ROBO2: variants seen among roughly 807,000 people sequenced by gnomAD.
The protein encoded by ROBO2 is roundabout guidance receptor 2, also known as roundabout homolog 2.
In ROBO2, 53 loss-of-function variants were observed where a neutral mutation model predicts 160.8. The observed-to-expected ratio is 0.33, with a 90% CI of 0.26 to 0.41. The LOEUF is 0.41. Among genes scored for constraint, ROBO2 ranks in the 10% least tolerant of loss-of-function variants. The pLI is 1.00. For missense variants in ROBO2, 1,577 were observed against 1,722.4 expected (o/e 0.92, Z 1.49); for synonymous variants, 664 against 611.7 (o/e 1.09, Z -1.26).
chr3:77,041,797 T>C (rs1450346705), intron 1 of ROBO2, among the ~76,000 whole-genome samples: 10 of 152,226 alleles, frequency 6.6e-5, no homozygotes, highest in Admixed American at 5.2e-4. Flanking sequence ...AAGGGAGTAC[T>C]AGATATTTTT....
At chr3:76,728,703 C>G (rs1333343336) in intron 2 of ROBO2, among the ~76,000 whole-genome samples, 4 of 152,174 alleles carry the variant, frequency 2.6e-5, no homozygotes, top group African/African-American at 9.6e-5. Context: ...TCCCTGCAAC[C>G]TACAGTCCAG....
At chr3:76,679,538 G>A (rs1333121648) in intron 2 of ROBO2, among the ~76,000 whole-genome samples, 2 of 152,044 alleles carry the variant, frequency 1.3e-5, no homozygotes, top group African/African-American at 4.8e-5. Context: ...ACAATTCAGC[G>A]CTAAAATCTG....
At chr3:75,952,320 C>A (rs2107196617) in intron 2 of ROBO2, among the ~76,000 whole-genome samples, 1 of 151,942 alleles carries the variant, frequency 6.6e-6, no homozygotes. Context: ...ATCAATTTCT[C>A]TAGATTTCTG....
chr3:76,113,908 G>C (rs143961154), intron 2 of ROBO2, among the ~76,000 whole-genome samples: 53 of 152,150 alleles, frequency 3.5e-4, no homozygotes, highest in Middle Eastern at 3.4e-3. Flanking sequence ...TTAGAAAAAG[G>C]CTGGCCCCTC....
intron 5 of ROBO2, 85 bp from the exon 6 acceptor site, chr3:77,522,689 AT>A: frequency 7.1e-7 from 1 of 1,417,032 alleles, no homozygotes; most frequent in Non-Finnish European, 9.8e-7. Context: ...AAAATACAGT[AT>A]AAAAAGAAAA....
intron 2 of ROBO2, among the ~76,000 whole-genome samples, chr3:76,966,167 C>G (rs2059283887): frequency 6.6e-6 from 1 of 151,950 alleles, no homozygotes; most frequent in African/African-American, 2.4e-5. Context: ...GGTGATACAC[C>G]CACCTCGGCC....
chr3:76,699,016 C>T (rs1482867596), intron 2 of ROBO2, among the ~76,000 whole-genome samples: 2 of 152,098 alleles, frequency 1.3e-5, no homozygotes, highest in Non-Finnish European at 2.9e-5. Flanking sequence ...TCCTTATGGA[C>T]ATCTTTCTGA....
intron 2 of ROBO2, among the ~76,000 whole-genome samples, chr3:76,417,028 T>G (rs564901556): frequency 1.3e-5 from 2 of 152,364 alleles, no homozygotes; most frequent in East Asian, 3.9e-4. Flanking sequence ...TATCCTGCTG[T>G]GCTGGCTATT....
chr3:76,290,623 G>A (rs564501215), intron 2 of ROBO2, among the ~76,000 whole-genome samples: 37 of 152,136 alleles, frequency 2.4e-4, no homozygotes, highest in African/African-American at 8.9e-4. Context: ...ATGCTTCCAG[G>A]TGTCATCTGT....
chr3:76,219,453 T>C (rs1348683952), intron 2 of ROBO2, among the ~76,000 whole-genome samples: 3 of 152,092 alleles, frequency 2.0e-5, no homozygotes, highest in Non-Finnish European at 4.4e-5. Flanking sequence ...ATCCAGAATC[T>C]ACAATGAACT....
At chr3:77,338,139 A>G (rs1428578920) in intron 2 of ROBO2, among the ~76,000 whole-genome samples, 2 of 152,178 alleles carry the variant, frequency 1.3e-5, no homozygotes, top group African/African-American at 4.8e-5. Context: ...GGTACCACAG[A>G]TCTATTTTTA....
chr3:75,970,705 A>G (rs1309059521), intron 2 of ROBO2, among the ~76,000 whole-genome samples: 1 of 151,474 alleles, frequency 6.6e-6, no homozygotes, highest in Non-Finnish European at 1.5e-5. Context: ...TTTGTTTCCA[A>G]GTTTGAAGCA....
chr3:76,326,841 T>G (rs542867745), intron 2 of ROBO2, among the ~76,000 whole-genome samples: 1 of 141,746 alleles, frequency 7.1e-6, no homozygotes, highest in African/African-American at 2.6e-5. Context: ...CGTTGTTCAA[T>G]TCCCACCTAT....
At chr3:77,293,767 A>G (rs1257775936) in intron 2 of ROBO2, among the ~76,000 whole-genome samples, 1 of 142,612 alleles carries the variant, frequency 7.0e-6, no homozygotes, top group South Asian at 2.2e-4. Flanking sequence ...CCCCAGACAT[A>G]AAGTAAAATT....
intron 2 of ROBO2, among the ~76,000 whole-genome samples, chr3:76,552,912 C>T (rs915367399): frequency 6.6e-6 from 1 of 152,130 alleles, no homozygotes; most frequent in African/African-American, 2.4e-5. Flanking sequence ...TAACTTTGGA[C>T]TTTATTTTAA....
At chr3:75,959,932 T>TA (rs1237030881) in intron 2 of ROBO2, among the ~76,000 whole-genome samples, 8 of 151,960 alleles carry the variant, frequency 5.3e-5, no homozygotes, top group Admixed American at 5.3e-4. Flanking sequence ...TTATAAATGA[T>TA]ACAGGACTCA....
intron 2 of ROBO2, among the ~76,000 whole-genome samples, chr3:76,890,839 C>A (rs762866101): frequency 6.6e-6 from 1 of 152,026 alleles, no homozygotes; most frequent in Non-Finnish European, 1.5e-5. Flanking sequence ...TTCTTCTTGC[C>A]TGTTGCACTT....
intron 2 of ROBO2, among the ~76,000 whole-genome samples, chr3:76,170,434 AAACATACT>A (rs2072999449): frequency 3.9e-5 from 6 of 152,198 alleles, no homozygotes; most frequent in African/African-American, 1.4e-4. Flanking sequence ...TAGAAGCCCA[AAACATACT>A]GTTGACAAGG....
chr3:76,872,900 T>G (rs1011548489), intron 2 of ROBO2, among the ~76,000 whole-genome samples: 1 of 152,066 alleles, frequency 6.6e-6, no homozygotes, highest in Non-Finnish European at 1.5e-5. Context: ...ATCACATTAT[T>G]TCAAAGTGAG....
Sources: gnomAD v4.1 joint callset for allele counts (sites outside exome capture counted in the v4.1 genomes callset) on GRCh38, gnomAD v4.1.1 for gene constraint, MANE v1.5 for transcripts, NCBI Gene and HGNC (gene_info 2026-07-23, HGNC 2026-07-21) for gene names.